The following CD163L1 variants were observed in gnomAD, a reference collection of about 807,000 sequenced individuals.
The protein encoded by CD163L1 is scavenger receptor cysteine-rich type 1 protein M160.
CD163L1 carries 124 observed loss-of-function variants against 165.4 expected under a neutral mutation model. The observed-to-expected ratio is 0.75, with a 90% CI of 0.65 to 0.87. The LOEUF is 0.87. CD163L1 is among the 40% of genes least tolerant of loss of function. The pLI is 0.00. For missense variants in CD163L1, 1,525 were observed against 1,799.9 expected (o/e 0.85, Z 2.76); for synonymous variants, 585 against 662.2 (o/e 0.88, Z 1.79).
the CD163L1 span, among the ~76,000 whole-genome samples, chr12:7,321,072 G>C: frequency 7.3e-3 from 1,111 of 152,176 alleles, 16 homozygotes; most frequent in African/African-American, 0.026. Flanking sequence ...AATGTCTTCT[G>C]GGGGGCAAAA....
chr12:7,328,235 C>T, the CD163L1 span: 9 of 1,402,498 alleles, frequency 6.4e-6, no homozygotes, highest in Non-Finnish European at 8.8e-6. Context: ...ATCGCACGGA[C>T]AATTGGAAGG....
chr12:7,390,611 AATG>A (rs971548664), intron 8 of CD163L1, among the ~76,000 whole-genome samples: 2 of 152,212 alleles, frequency 1.3e-5, no homozygotes, highest in Admixed American at 6.5e-5. Context: ...ATAATTTGTA[AATG>A]ATAACTCTAC....
the CD163L1 span, chr12:7,323,229 A>T: frequency 1.2e-6 from 2 of 1,604,646 alleles, no homozygotes; most frequent in Non-Finnish European, 1.7e-6. Flanking sequence ...TTGTCCTCTC[A>T]ATAGGGAATG....
At chr12:7,441,738 A>C (rs1006745381) in intron 1 of CD163L1, among the ~76,000 whole-genome samples, 1 of 152,198 alleles carries the variant, frequency 6.6e-6, no homozygotes, top group Non-Finnish European at 1.5e-5. Context: ...TATTCCACTC[A>C]GTGGCTTGTG....
chr12:7,362,772 T>A (rs768600335), intron 18 of CD163L1, among the ~76,000 whole-genome samples: 1 of 149,478 alleles, frequency 6.7e-6, no homozygotes, highest in African/African-American at 2.4e-5. Flanking sequence ...CCAGCAATCC[T>A]CCTACTGGGT....
chr12:7,334,121 T>C, the CD163L1 span, among the ~76,000 whole-genome samples: 13 of 150,386 alleles, frequency 8.6e-5, no homozygotes, highest in Non-Finnish European at 1.6e-4. Context: ...AAAGAGGGAA[T>C]CCTCCCTAAC....
At chr12:7,348,827 T>TC (rs397745730) in intron 4 of CD163L1, among the ~76,000 whole-genome samples, 1 of 151,058 alleles carries the variant, frequency 6.6e-6, no homozygotes, top group African/African-American at 2.4e-5. Flanking sequence ...TTTTTTTTTT[T>TC]CAAAATAAAT....
At chr12:7,379,820 G>A (rs999312324) in intron 8 of CD163L1, among the ~76,000 whole-genome samples, 1 of 149,250 alleles carries the variant, frequency 6.7e-6, no homozygotes, top group African/African-American at 2.5e-5. Flanking sequence ...TGGAGCTCGG[G>A]AAAAGAAAAC....
In CD163L1 at chr12:7,398,112, C is replaced by T; in HGVS notation, c.1729+152G>A. 1 of 643,118 alleles carries T rather than the reference C, an allele frequency of 1.6e-6. No individual in the cohort carries two copies. 39.8% of individuals were successfully genotyped at this position (643,118 alleles called of 1,614,324 possible). On this transcript the variant is annotated intron_variant, in intron 7 of 19. Transcript: ENST00000313599. The surrounding 1 kb of genome is among the most constrained non-coding windows in gnomAD (Gnocchi z 4.5). Reference sequence around the variant, plus strand: ...CTTTACCTGTATAAGTGGAAGAGTTCCAGGTGAAGTGAACTGAAGTCTAAT... The same window carrying T: ...CTTTACCTGTATAAGTGGAAGAGTTTCAGGTGAAGTGAACTGAAGTCTAAT...
At chr12:7,433,218 A>T in intron 3 of CD163L1, 156 bp downstream of exon 3, 1 of 565,960 alleles carries the variant, frequency 1.8e-6, no homozygotes, top group Non-Finnish European at 2.9e-6. Context: ...GCAATTAGAC[A>T]TTACTTTGGA....
At chr12:7,376,931 T>C (rs760429365) in intron 9 of CD163L1, among the ~76,000 whole-genome samples, 11 of 152,348 alleles carry the variant, frequency 7.2e-5, no homozygotes, top group Admixed American at 3.3e-4. Context: ...TTTAAAATGA[T>C]GTATCAGGTT....
rs764888319 is a variant in CD163L1, at chr12:7,373,548, C to T, written c.3502G>A (p.Gly1168Ser). The stretch of plus-strand genomic sequence containing the variant: ...ATGGCTGTGGTGATGTTCCTCCTGC[C>T]GACGCTGCCCCAGGTCCCGTTATAG... Reference protein sequence around the residue: ...VFYNGTWGSVGRRNITTAIAG... With the variant: ...VFYNGTWGSVSRRNITTAIAG... The change falls in exon 14 of 20, where the codon GGC becomes AGC. Residue 1168 changes from glycine to serine, a missense_variant. By Grantham distance (56) the Gly-to-Ser change is moderately conservative (BLOSUM62 0). Transcript: ENST00000313599. 1.1e-5 allele frequency: 18 copies of T among 1,614,052 alleles called. No individual in the cohort carries two copies. The highest frequency in any genetic ancestry group is 5.3e-5 in the African/African-American group (4 of 74,920).
chr12:7,332,399 C>G, the CD163L1 span, among the ~76,000 whole-genome samples: 5 of 152,258 alleles, frequency 3.3e-5, no homozygotes, highest in Admixed American at 1.3e-4. Flanking sequence ...TCTAGCAAGG[C>G]AGGCCAACAT....
intron 4 of CD163L1, among the ~76,000 whole-genome samples, chr12:7,348,813 GTTT>G (rs11459242): frequency 7.0e-6 from 1 of 142,920 alleles, no homozygotes; most frequent in Admixed American, 6.9e-5. Context: ...TCCTTGTTAT[GTTT>G]TTTTTTTTTT....
At position 7,433,511 on chromosome 12, in the gene CD163L1, G is replaced by A. The variant is rs867453656; in HGVS notation, c.308C>T (p.Ala103Val). The A allele has an allele frequency of 3.1e-6, 5 of 1,613,994 alleles. No individual in the cohort carries two copies. In the African/African-American group the frequency reaches 6.7e-5, roughly 22 times the overall value. Residue 103 changes from alanine to valine, a missense_variant, in exon 3 of 20, where the codon GCC (alanine) becomes GTC (valine). Ala to Val is a moderately conservative substitution (Grantham distance 64). Transcript: ENST00000313599. The stretch of plus-strand genomic sequence containing the variant: ...CCAAATTTTTCCATGTCTAGTCACG[G>A]CTTGTCCAAAACGAAACATGGCGAA... Reference protein sequence around the residue: ...FSFAMFRFGQAVTRHGKIWLD... With the variant: ...FSFAMFRFGQVVTRHGKIWLD...
At chr12:7,319,589 C>CA in the CD163L1 span, among the ~76,000 whole-genome samples, 619 of 52,778 alleles carry the variant, frequency 0.012, no homozygotes, top group Non-Finnish European at 0.017. Flanking sequence ...GACTCCGTCT[C>CA]AAAAAAAAAA....
At position 7,379,129 on chromosome 12, in the gene CD163L1, G is replaced by C; in HGVS notation, c.2220C>G (p.Ser740=). Residue 740 remains serine, a synonymous_variant, in exon 9 of 20, where the codon TCC becomes TCG. Coordinates refer to ENST00000313599, the MANE Select transcript of CD163L1 (RefSeq NM_174941.6). ...QLECGSAIRV[S]REPHFTERTL... is the part of the protein sequence containing the mutation. ...TTCTTTCTGTGAAATGAGGCTCTCT[G>C]GAGACCCTGATTGCAGACCCACATT... 6.2e-7 allele frequency: 1 copy of C among 1,614,116 alleles called. No individual in the cohort carries two copies. The highest frequency in any genetic ancestry group is 1.7e-5 in the Admixed American group (1 of 60,016).
chr12:7,332,259 G>T, the CD163L1 span, among the ~76,000 whole-genome samples: 2 of 151,538 alleles, frequency 1.3e-5, no homozygotes, highest in Admixed American at 1.3e-4. Flanking sequence ...AATGAACAAA[G>T]CCTCCAAGAA....
At chr12:7,323,103 A>G in the CD163L1 span, 3 of 797,590 alleles carry the variant, frequency 3.8e-6, no homozygotes, top group East Asian at 2.7e-5. Context: ...CTGGTTTCAA[A>G]TAATATATTT....
Sources: allele counts gnomAD v4.1 joint callset (sites outside exome capture counted in the v4.1 genomes callset), GRCh38; gene constraint gnomAD v4.1.1; non-coding constraint Gnocchi (gnomAD v3.1); transcripts MANE v1.5; gene names NCBI Gene and HGNC (gene_info 2026-07-23, HGNC 2026-07-21).